SGCZ: variants seen among roughly 807,000 people sequenced by gnomAD.
SGCZ encodes the protein zeta-sarcoglycan.
In SGCZ, 40 loss-of-function variants were observed where a neutral mutation model predicts 41.3. The ratio of observed to expected loss-of-function variants is 0.97; its 90% CI spans 0.75 to 1.26. The LOEUF is 1.26. SGCZ is among the 50% of genes most tolerant of loss of function. SGCZ has a pLI of 0.00. For missense variants in SGCZ, 552 were observed against 369.8 expected (o/e 1.49, Z -4.04); for synonymous variants, 206 against 137.5 (o/e 1.50, Z -3.49).
At chr8:15,163,218 T>C (rs1235852715) in intron 1 of SGCZ, among the ~76,000 whole-genome samples, 1 of 152,216 alleles carries the variant, frequency 6.6e-6, no homozygotes, top group East Asian at 1.9e-4. Context: ...TTATCATGTG[T>C]CGGCCACCGT....
chr8:14,529,188 A>G (rs183316611), intron 2 of SGCZ, among the ~76,000 whole-genome samples: 4 of 152,276 alleles, frequency 2.6e-5, no homozygotes, highest in Admixed American at 1.3e-4. Context: ...AAGTACTTGC[A>G]TGATTTGGAT....
intron 4 of SGCZ, among the ~76,000 whole-genome samples, chr8:14,235,689 A>G (rs1039671913): frequency 4.6e-5 from 7 of 151,954 alleles, no homozygotes; most frequent in Non-Finnish European, 7.4e-5. Context: ...GGTGCACTTA[A>G]TTTACGTTTT....
intron 2 of SGCZ, among the ~76,000 whole-genome samples, chr8:14,541,417 G>C (rs532222028): frequency 2.0e-5 from 3 of 152,116 alleles, no homozygotes; most frequent in African/African-American, 4.8e-5. Context: ...TCCTGTGTTA[G>C]TTTGCTGAAG....
chr8:14,557,240 G>A (rs913319194), intron 1 of SGCZ, among the ~76,000 whole-genome samples: 3 of 150,344 alleles, frequency 2.0e-5, no homozygotes, highest in Non-Finnish European at 3.0e-5. Flanking sequence ...TTTTTTTTGA[G>A]AACTGTCTAT....
At chr8:15,034,641 G>C (rs535738301) in intron 1 of SGCZ, among the ~76,000 whole-genome samples, 11 of 152,150 alleles carry the variant, frequency 7.2e-5, no homozygotes, top group African/African-American at 2.6e-4. Flanking sequence ...ATCCAAGCAA[G>C]ACTACACCAA....
At chr8:14,289,738 C>T (rs769972729) in intron 3 of SGCZ, among the ~76,000 whole-genome samples, 4 of 151,512 alleles carry the variant, frequency 2.6e-5, no homozygotes, top group Non-Finnish European at 5.9e-5. Flanking sequence ...ATAAATGGTG[C>T]TAGGAAAACT....
intron 1 of SGCZ, among the ~76,000 whole-genome samples, chr8:15,009,107 C>T (rs7835895): frequency 0.12 from 18,274 of 152,084 alleles, 1,814 homozygotes; most frequent in African/African-American, 0.27. Context: ...CTCACACTGC[C>T]ATAAAGAAAT....
At chr8:14,169,772 C>T (rs1229384493) in intron 4 of SGCZ, among the ~76,000 whole-genome samples, 2 of 152,268 alleles carry the variant, frequency 1.3e-5, no homozygotes, top group East Asian at 1.9e-4. Flanking sequence ...GAAAAAGAGG[C>T]ATATTTTTGT....
chr8:14,242,300 T>A (rs1402371102), intron 3 of SGCZ, among the ~76,000 whole-genome samples: 1 of 152,166 alleles, frequency 6.6e-6, no homozygotes, highest in African/African-American at 2.4e-5. Context: ...TACTGGCCCT[T>A]AATCAATGCC....
intron 1 of SGCZ, among the ~76,000 whole-genome samples, chr8:15,164,202 G>A (rs879559011): frequency 1.3e-5 from 2 of 152,184 alleles, no homozygotes; most frequent in Non-Finnish European, 2.9e-5. Context: ...CATTTTTGGT[G>A]CCCAATGTGG....
Position 14,754,222 on chromosome 8 carries a change from T to C in SGCZ, c.40-199296A>G, listed in dbSNP as rs75777746. Among the ~76,000 whole-genome samples, 1,377 of 152,234 alleles carry C rather than the reference T, an allele frequency of 9.0e-3. 95 individuals carry two copies. The East Asian group carries it at 0.17, about 18-fold the overall frequency. ...ATTACTCTTATAACACTTGGAAATATATATTACCTTTAGATAACCCTCATG... is the reference window on the plus strand; with the variant it reads ...ATTACTCTTATAACACTTGGAAATACATATTACCTTTAGATAACCCTCATG... On this transcript the variant is annotated intron_variant, in intron 1 of 7. Coordinates refer to ENST00000382080, the MANE Select transcript of SGCZ (RefSeq NM_139167.4).
rs140474907 is a variant in SGCZ, at chr8:15,156,521, G to A, written c.39+81064C>T. Among the ~76,000 whole-genome samples the A allele has an allele frequency of 4.5e-3, 688 of 152,270 alleles. 4 individuals are homozygous for A. The highest frequency in any genetic ancestry group is 0.016 in the African/African-American group (666 of 41,562). ...GAGTTCTTGACTGTCATGATTTGCTGTTTTTCACTAACTTTCTTTCACCTT... is the reference window on the plus strand; with the variant it reads ...GAGTTCTTGACTGTCATGATTTGCTATTTTTCACTAACTTTCTTTCACCTT... On this transcript the variant is annotated intron_variant, in intron 1 of 7. Transcript: ENST00000382080.
intron 2 of SGCZ, among the ~76,000 whole-genome samples, chr8:14,541,454 C>A (rs1328872194): frequency 6.6e-6 from 1 of 152,070 alleles, no homozygotes; most frequent in Non-Finnish European, 1.5e-5. Context: ...TCACCCATGT[C>A]CCCGCAAAGG....
At chr8:14,135,039 T>C (rs1437469172) in intron 5 of SGCZ, among the ~76,000 whole-genome samples, 1 of 152,116 alleles carries the variant, frequency 6.6e-6, no homozygotes, top group Non-Finnish European at 1.5e-5. Context: ...ACAGAGTGTA[T>C]GGTCAAAATT....
chr8:14,721,792 T>G (rs147650297), intron 1 of SGCZ, among the ~76,000 whole-genome samples: 4 of 152,334 alleles, frequency 2.6e-5, no homozygotes, highest in African/African-American at 9.6e-5. Context: ...AGATTTTAAC[T>G]GCAGCCAAAA....
intron 2 of SGCZ, among the ~76,000 whole-genome samples, chr8:14,526,287 G>A (rs1802947098): frequency 6.6e-6 from 1 of 151,972 alleles, no homozygotes; most frequent in African/African-American, 2.4e-5. Flanking sequence ...TATGCCTCTT[G>A]TCTATTTCTA....
chr8:14,089,089 G>C lies in SGCZ; in HGVS notation c.*1354C>G, dbSNP rs1585122771. On this transcript the variant is annotated 3_prime_UTR_variant, in exon 8 of 8. Transcript: ENST00000382080. The stretch of plus-strand genomic sequence containing the variant: ...TGTAAGTTTCAAGAGTTTGAGTTAA[G>C]GGGTGCTGTGATAAATGAATATTCA... 6.6e-6 allele frequency among the ~76,000 whole-genome samples: 1 copy of C among 151,948 alleles called. No homozygotes were observed. The highest frequency in any genetic ancestry group is 1.9e-4 in the East Asian group (1 of 5,164).
intron 1 of SGCZ, among the ~76,000 whole-genome samples, chr8:15,212,509 A>C (rs928621348): frequency 3.3e-5 from 5 of 152,244 alleles, no homozygotes; most frequent in Non-Finnish European, 7.4e-5. Context: ...TTTCCTTGAT[A>C]GTATCTTTTG....
intron 3 of SGCZ, among the ~76,000 whole-genome samples, chr8:14,312,011 C>T (rs530865600): frequency 2.6e-5 from 4 of 152,082 alleles, no homozygotes; most frequent in Non-Finnish European, 4.4e-5. Context: ...AACAAAATAT[C>T]TTGCCACAAA....
Sources: allele counts gnomAD v4.1 joint callset (sites outside exome capture counted in the v4.1 genomes callset), GRCh38; gene constraint gnomAD v4.1.1; transcripts MANE v1.5; gene names NCBI Gene and HGNC (gene_info 2026-07-23, HGNC 2026-07-21).